The following PRKN variants were observed in gnomAD, a reference collection of about 807,000 sequenced individuals.
The protein encoded by PRKN is parkin RBR E3 ubiquitin protein ligase.
Under a neutral mutation model 59.5 loss-of-function variants are expected in PRKN, and 56 were observed. The observed-to-expected ratio is 0.94, with a 90% CI of 0.76 to 1.18. PRKN has a LOEUF of 1.18. Ranked by LOEUF, PRKN falls within the 50% of genes most tolerant of loss-of-function variation. The pLI, the probability that PRKN is intolerant of heterozygous loss-of-function variation, is 0.00. For synonymous variants in PRKN, 250 were observed against 222.1 expected (o/e 1.13, Z -1.12); for missense variants, 657 against 596.4 (o/e 1.10, Z -1.06).
chr6:161,572,224 G>A (rs562127589), intron 7 of PRKN, among the ~76,000 whole-genome samples: 1 of 152,266 alleles, frequency 6.6e-6, no homozygotes, highest in African/African-American at 2.4e-5. Flanking sequence ...GTAAAATGCT[G>A]GAACATAGCT....
chr6:162,298,403 G>C (rs75544923), intron 2 of PRKN, among the ~76,000 whole-genome samples: 9,448 of 152,126 alleles, frequency 0.062, 395 homozygotes, highest in Middle Eastern at 0.14. Context: ...AATAGTTCAG[G>C]TGTCTTGACA....
At chr6:162,129,962 A>T (rs1781280249) in intron 4 of PRKN, among the ~76,000 whole-genome samples, 1 of 152,228 alleles carries the variant, frequency 6.6e-6, no homozygotes, top group African/African-American at 2.4e-5. Flanking sequence ...AGTAAGAAAA[A>T]AATGAGCCTT....
chr6:161,666,323 A>C lies in PRKN; in HGVS notation c.872-96907T>G, dbSNP rs1185531003. Reference sequence around the variant, plus strand: ...GGTGGCATTACCTTCTCATAGGAGCATGAACCTTATCGTGAACTACACATG... The same window carrying C: ...GGTGGCATTACCTTCTCATAGGAGCCTGAACCTTATCGTGAACTACACATG... On this transcript the variant is annotated intron_variant, in intron 7 of 11. Transcript: ENST00000366898. Among the ~76,000 whole-genome samples the C allele has an allele frequency of 2.0e-5, 3 of 152,194 alleles. No homozygotes were observed. The East Asian group carries it at 5.8e-4, about 29-fold the overall frequency.
chr6:161,739,564 G>A (rs766620951), intron 7 of PRKN, among the ~76,000 whole-genome samples: 12 of 152,026 alleles, frequency 7.9e-5, no homozygotes, highest in Non-Finnish European at 1.5e-4. Context: ...GGGAAGAGTC[G>A]GCATGAGGTG....
At chr6:162,655,710 A>T (rs1042204417) in intron 1 of PRKN, among the ~76,000 whole-genome samples, 1 of 152,178 alleles carries the variant, frequency 6.6e-6, no homozygotes, top group African/African-American at 2.4e-5. Flanking sequence ...GATATACAGA[A>T]AATGAGAGCC....
At chr6:161,881,608 A>G (rs983653616) in intron 6 of PRKN, among the ~76,000 whole-genome samples, 1 of 152,104 alleles carries the variant, frequency 6.6e-6, no homozygotes, top group South Asian at 2.1e-4. Flanking sequence ...ATGGTCAGCA[A>G]CTCAGAGCAA....
In PRKN at chr6:161,372,799, G is replaced by A. The variant is rs1785491788; in HGVS notation, c.1168-12594C>T. On this transcript the variant is annotated intron_variant, in intron 10 of 11. Transcript: ENST00000366898. The surrounding 1 kb of genome is among the most constrained non-coding windows in gnomAD (Gnocchi z 4.2). Reference sequence around the variant, plus strand: ...TGCTCGCAGAAGGTCTACATACACTGTGGTCAACAAAGACAGAGAGACCCT... The same window carrying A: ...TGCTCGCAGAAGGTCTACATACACTATGGTCAACAAAGACAGAGAGACCCT... 1.3e-5 allele frequency among the ~76,000 whole-genome samples: 2 copies of A among 150,524 alleles called. No homozygotes were observed. The highest frequency in any genetic ancestry group is 1.3e-4 in the Admixed American group (2 of 15,052).
At chr6:161,913,448 G>T (rs1386711408) in intron 6 of PRKN, among the ~76,000 whole-genome samples, 2 of 152,222 alleles carry the variant, frequency 1.3e-5, no homozygotes, top group Non-Finnish European at 2.9e-5. Flanking sequence ...CAATCTTATT[G>T]AAAAACTGAG....
At chr6:162,522,123 T>C (rs1193717464) in intron 1 of PRKN, among the ~76,000 whole-genome samples, 1 of 152,190 alleles carries the variant, frequency 6.6e-6, no homozygotes, top group Non-Finnish European at 1.5e-5. Flanking sequence ...ATTACAATTT[T>C]ATTTTATTTT....
chr6:161,743,158 G>A (rs1458603509), intron 7 of PRKN, among the ~76,000 whole-genome samples: 1 of 148,410 alleles, frequency 6.7e-6, no homozygotes, highest in Non-Finnish European at 1.5e-5. Flanking sequence ...TATTCTTCCT[G>A]CTGTTCTGCC....
At chr6:162,400,388 G>A (rs757127482) in intron 2 of PRKN, among the ~76,000 whole-genome samples, 1 of 133,710 alleles carries the variant, frequency 7.5e-6, no homozygotes, top group Non-Finnish European at 1.5e-5. Context: ...CAAGCAGAAA[G>A]ATCAATTCAC....
Position 161,377,058 on chromosome 6 carries a change from C to T in PRKN, c.1167+9736G>A, listed in dbSNP as rs1785738436. Among the ~76,000 whole-genome samples, 1 of 152,360 alleles carries T rather than the reference C, an allele frequency of 6.6e-6. No individual in the cohort carries two copies. The highest frequency in any genetic ancestry group is 2.4e-5 in the African/African-American group (1 of 41,604). On this transcript the variant is annotated intron_variant, in intron 10 of 11. Coordinates refer to ENST00000366898, the MANE Select transcript of PRKN (RefSeq NM_004562.3). The surrounding 1 kb of genome is among the most constrained non-coding windows in gnomAD (Gnocchi z 4.2). Reference sequence around the variant, plus strand: ...GCATGCAAGCGCCCTGTCTCTGCGGCTGTGCACGCAGGCAGACCCTGTGGA... The same window carrying T: ...GCATGCAAGCGCCCTGTCTCTGCGGTTGTGCACGCAGGCAGACCCTGTGGA...
At chr6:162,235,567 G>A (rs1374782405) in intron 3 of PRKN, among the ~76,000 whole-genome samples, 1 of 152,086 alleles carries the variant, frequency 6.6e-6, no homozygotes, top group Non-Finnish European at 1.5e-5. Flanking sequence ...CAGCACTTTG[G>A]GAGGCCAAGG....
At chr6:162,695,614 T>C (rs976712973) in intron 1 of PRKN, among the ~76,000 whole-genome samples, 2 of 152,216 alleles carry the variant, frequency 1.3e-5, no homozygotes, top group African/African-American at 4.8e-5. Flanking sequence ...ACACTATTTC[T>C]GACCTTTGGA....
intron 1 of PRKN, among the ~76,000 whole-genome samples, chr6:162,468,653 G>A (rs1387942756): frequency 1.3e-5 from 2 of 152,168 alleles, no homozygotes; most frequent in Admixed American, 1.3e-4. Context: ...GCTTAAGCAT[G>A]TTCAACAGCT....
rs753510815 is a variant in PRKN at position 162,504,699 on chromosome 6, T to TA, written c.8-61227dup. ...AAAAGTTCATGAAAAAAAGAACTGATACATTTGTCCCCACTCTATTTAAAG... is the reference window on the plus strand; with the variant it reads ...AAAAGTTCATGAAAAAAAGAACTGATAACATTTGTCCCCACTCTATTTAAAG... On this transcript the variant is annotated intron_variant, in intron 1 of 11. Coordinates refer to ENST00000366898, the MANE Select transcript of PRKN (RefSeq NM_004562.3). 7.6e-4 allele frequency among the ~76,000 whole-genome samples: 115 copies of TA among 152,264 alleles called. 1 individual carries two copies. The highest frequency in any genetic ancestry group is 1.4e-3 in the Admixed American group (21 of 15,300).
At chr6:161,668,339 G>T (rs1784794384) in intron 7 of PRKN, among the ~76,000 whole-genome samples, 1 of 149,602 alleles carries the variant, frequency 6.7e-6, no homozygotes, top group Non-Finnish European at 1.5e-5. Context: ...CCATGAAACT[G>T]GGTACAGATC....
chr6:162,655,342 C>G (rs1411108011), intron 1 of PRKN, among the ~76,000 whole-genome samples: 2 of 152,146 alleles, frequency 1.3e-5, no homozygotes, highest in African/African-American at 4.8e-5. Flanking sequence ...AACACTTTCA[C>G]AAGTAAACCG....
chr6:161,473,242 C>G lies in PRKN; in HGVS notation c.1083+75612G>C, dbSNP rs1168425434. 1.3e-5 allele frequency among the ~76,000 whole-genome samples: 2 copies of G among 151,556 alleles called. No individual in the cohort carries two copies. ...TTACAATAGCAAGATATGCAAACAA[C>G]CTAAGTAAGCATCAAAGGATGAATG... On this transcript the variant is annotated intron_variant, in intron 9 of 11. Coordinates refer to ENST00000366898, the MANE Select transcript of PRKN (RefSeq NM_004562.3). The surrounding 1 kb of genome is among the most constrained non-coding windows in gnomAD (Gnocchi z 4.1).
Sources: allele counts gnomAD v4.1 joint callset (sites outside exome capture counted in the v4.1 genomes callset), GRCh38; gene constraint gnomAD v4.1.1; non-coding constraint Gnocchi (gnomAD v3.1); transcripts MANE v1.5; gene names NCBI Gene and HGNC (gene_info 2026-07-23, HGNC 2026-07-21).